NBAS: variants seen among roughly 807,000 people sequenced by gnomAD.
NBAS encodes NAG/BC035112 fusion.
A neutral mutation model predicts 302.5 loss-of-function variants in NBAS; 219 were observed. The observed-to-expected ratio is 0.72, with a 90% CI of 0.65 to 0.81. The LOEUF (loss-of-function observed/expected upper bound fraction) is 0.81. NBAS is among the 30% of genes least tolerant of loss of function. The pLI, the probability that NBAS is intolerant of heterozygous loss-of-function variation, is 0.00. For synonymous variants in NBAS, 1,118 were observed against 1,021.6 expected, an observed-to-expected ratio of 1.09 and a Z score of -1.80; for missense variants, 2,932 against 2,841.6, an observed-to-expected ratio of 1.03 and a Z score of -0.72.
chr2:15,450,765 A>C (rs1486186590), intron 21 of NBAS, among the ~76,000 whole-genome samples: 1 of 152,252 alleles, frequency 6.6e-6, no homozygotes, highest in African/African-American at 2.4e-5. Flanking sequence ...AGCAATTTAG[A>C]AATGTTTAAA....
chr2:15,025,517 G>A, the NBAS span, among the ~76,000 whole-genome samples: 5 of 152,140 alleles, frequency 3.3e-5, no homozygotes, highest in Admixed American at 6.5e-5. Context: ...TTGGTAGTTC[G>A]ATAGGAATAG....
chr2:14,932,734 G>A, the NBAS span, among the ~76,000 whole-genome samples: 4 of 152,224 alleles, frequency 2.6e-5, no homozygotes, highest in Non-Finnish European at 5.9e-5. Flanking sequence ...TGAGGCTGTG[G>A]CCAGACTGCT....
chr2:15,087,254 ACACC>A, the NBAS span, among the ~76,000 whole-genome samples: 364 of 137,950 alleles, frequency 2.6e-3, 2 homozygotes, highest in African/African-American at 0.01. Context: ...ACACACACAC[ACACC>A]CCATATTGGT....
At chr2:15,331,024 T>C (rs1672319757) in intron 35 of NBAS, among the ~76,000 whole-genome samples, 1 of 152,164 alleles carries the variant, frequency 6.6e-6, no homozygotes, top group Admixed American at 6.5e-5. Context: ...AAATAATCCC[T>C]CAGAAGTACT....
At chr2:15,093,207 GGAGTTTGA>G in the NBAS span, among the ~76,000 whole-genome samples, 1 of 152,120 alleles carries the variant, frequency 6.6e-6, no homozygotes, top group Non-Finnish European at 1.5e-5. Flanking sequence ...CTTGAGCTCA[GGAGTTTGA>G]GACAAGCCTG....
chr2:15,551,404 T>C, intron 6 of NBAS, 89 bp downstream of exon 6: 4 of 807,138 alleles, frequency 5.0e-6, no homozygotes, highest in Middle Eastern at 3.6e-4. Context: ...TGTTAATAAA[T>C]ATTTAATATC....
chr2:15,326,668 A>T (rs374886900), intron 38 of NBAS, among the ~76,000 whole-genome samples: 117 of 152,322 alleles, frequency 7.7e-4, no homozygotes, highest in African/African-American at 2.7e-3. Flanking sequence ...TGTACCATAA[A>T]TTTAATAATA....
chr2:14,820,352 A>G, the NBAS span, among the ~76,000 whole-genome samples: 3 of 152,206 alleles, frequency 2.0e-5, no homozygotes, highest in Admixed American at 6.5e-5. Context: ...ATGAGACCCA[A>G]TCGATTGCAA....
chr2:15,063,131 T>C, the NBAS span, among the ~76,000 whole-genome samples: 1 of 152,238 alleles, frequency 6.6e-6, no homozygotes, highest in Admixed American at 6.5e-5. Flanking sequence ...GCAACTCCAG[T>C]ACAAATCCGT....
the NBAS span, among the ~76,000 whole-genome samples, chr2:15,122,585 A>C: frequency 6.6e-6 from 1 of 152,122 alleles, no homozygotes; most frequent in East Asian, 1.9e-4. Context: ...GGGGACATAC[A>C]TCCAAACCAT....
At chr2:15,327,987 C>A in intron 37 of NBAS, 117 bp from the exon 38 acceptor site, 1 of 1,384,534 alleles carries the variant, frequency 7.2e-7, no homozygotes, top group Non-Finnish European at 1.0e-6. Flanking sequence ...TAACTGCTCA[C>A]AAACTAAAGC....
downstream of NBAS, among the ~76,000 whole-genome samples, chr2:15,165,861 T>A (rs1335311572): frequency 2.0e-5 from 3 of 152,218 alleles, no homozygotes; most frequent in Admixed American, 2.0e-4. Flanking sequence ...TATCATCTCA[T>A]CTACCTAGAC....
At chr2:15,202,727 C>T (rs1035917387) in intron 48 of NBAS, among the ~76,000 whole-genome samples, 5 of 152,042 alleles carry the variant, frequency 3.3e-5, no homozygotes, top group African/African-American at 9.7e-5. Flanking sequence ...TTAGTAGAGA[C>T]GTGTTTCTCC....
At chr2:15,034,441 C>G in the NBAS span, among the ~76,000 whole-genome samples, 1 of 152,094 alleles carries the variant, frequency 6.6e-6, no homozygotes, top group Non-Finnish European at 1.5e-5. Context: ...TGCTGGCACC[C>G]TGATCTTGGA....
At chr2:15,463,376 C>T (rs1419056529) in intron 19 of NBAS, among the ~76,000 whole-genome samples, 1 of 152,172 alleles carries the variant, frequency 6.6e-6, no homozygotes, top group East Asian at 1.9e-4. Flanking sequence ...TCTCTATCAT[C>T]ATCAAAAGAC....
the NBAS span, among the ~76,000 whole-genome samples, chr2:14,912,779 A>G: frequency 6.6e-6 from 1 of 151,638 alleles, no homozygotes; most frequent in Non-Finnish European, 1.5e-5. Flanking sequence ...TTCATCTGTT[A>G]CAAGGGAATT....
intron 28 of NBAS, among the ~76,000 whole-genome samples, chr2:15,390,911 G>A (rs1000502717): frequency 1.3e-5 from 2 of 152,024 alleles, no homozygotes; most frequent in African/African-American, 4.8e-5. Context: ...TCAGGAGTTT[G>A]AGACCAGTCT....
the NBAS span, among the ~76,000 whole-genome samples, chr2:14,998,173 C>T: frequency 1.2e-3 from 180 of 152,318 alleles, 1 homozygote; most frequent in South Asian, 0.019. Context: ...AGCCTATTCC[C>T]TTTCTTCTTT....
chr2:15,131,655 A>G, the NBAS span, among the ~76,000 whole-genome samples: 1 of 152,198 alleles, frequency 6.6e-6, no homozygotes, highest in East Asian at 1.9e-4. Context: ...CTAACATCAG[A>G]AAGACAGCAG....
Sources: allele counts gnomAD v4.1 joint callset (sites outside exome capture counted in the v4.1 genomes callset), GRCh38; gene constraint gnomAD v4.1.1; transcripts MANE v1.5; gene names NCBI Gene and HGNC (gene_info 2026-07-23, HGNC 2026-07-21).